Variants in ATG2B observed in about 807,000 individuals in gnomAD.
The protein encoded by ATG2B is autophagy-related protein 2 homolog B.
Under a neutral mutation model 241.3 loss-of-function variants are expected in ATG2B, and 121 were observed. The ratio of observed to expected loss-of-function variants is 0.50; its 90% CI spans 0.43 to 0.58. The LOEUF is 0.58. Ranked by LOEUF, ATG2B falls within the 20% of genes least tolerant of loss-of-function variation. The pLI is 0.00. For synonymous variants in ATG2B, 858 were observed against 876.6 expected, an observed-to-expected ratio of 0.98 and a Z score of 0.37; for missense variants, 2,306 against 2,491.6, an observed-to-expected ratio of 0.93 and a Z score of 1.59.
intron 17 of ATG2B, 73 bp from the exon 18 acceptor site, chr14:96,322,327 T>C (rs949200344): frequency 2.0e-6 from 3 of 1,500,194 alleles, no homozygotes; most frequent in African/African-American, 1.4e-5. Flanking sequence ...TCTTAGCCTA[T>C]CCATAGGACT....
intron 13 of ATG2B, 47 bp from the exon 14 acceptor site, chr14:96,328,582 T>A (rs1887647298): frequency 6.4e-7 from 1 of 1,557,850 alleles, no homozygotes; most frequent in Non-Finnish European, 8.7e-7. Flanking sequence ...CACTAAAAAC[T>A]ACTATATAAT....
chr14:96,316,676 T>C lies in ATG2B; in HGVS notation c.3218A>G (p.Asn1073Ser), dbSNP rs1887322141. Residue 1073 changes from asparagine (N) to serine (S), a missense_variant, in exon 21 of 42, where the codon AAT becomes AGT. By Grantham distance (46) the Asn-to-Ser change is conservative. This residue lies in a region of ATG2B where 1,927 missense variants were observed against 2,011.2 expected (regional missense o/e 0.96). Coordinates refer to ENST00000359933, the MANE Select transcript of ATG2B (RefSeq NM_018036.7). ...IAVFTDVKQD[N>S]GDLLENKHGE... ...ATGCTTGTTTTCCAACAGATCTCCATTATCTTGCTAGTAAAAAGATCAGAA... is the reference window on the plus strand; with the variant it reads ...ATGCTTGTTTTCCAACAGATCTCCACTATCTTGCTAGTAAAAAGATCAGAA... 6.2e-7 allele frequency: 1 copy of C among 1,603,382 alleles called. No individual in the cohort carries two copies. Among genetic ancestry groups the C allele is most frequent in the Non-Finnish European group, 8.5e-7 (1 of 1,176,672 alleles).
chr14:96,279,662 G>A lies in ATG2B; in HGVS notation c.*6093C>T, dbSNP rs12894714. The A allele has an allele frequency of 0.32, 49,338 of 152,204 alleles. 9,136 individuals are homozygous for A. Among genetic ancestry groups the A allele is most frequent in the Non-Finnish European group, 0.42 (28,551 of 68,018 alleles). The allele number at this position is 152,204 out of a possible 1,614,324, so 9.4% of individuals were successfully genotyped here. Reference sequence around the variant, plus strand: ...GTGGAGCCTCCGGGCTGAGACAGCAGGAGCAGCCAGAGATCCCGACAGAGC... The same window carrying A: ...GTGGAGCCTCCGGGCTGAGACAGCAAGAGCAGCCAGAGATCCCGACAGAGC... On this transcript the variant is annotated 3_prime_UTR_variant, in exon 42 of 42. Transcript: ENST00000359933.
At chr14:96,340,682 CAAG>C (rs1888009055) in intron 6 of ATG2B, among the ~76,000 whole-genome samples, 2 of 151,992 alleles carry the variant, frequency 1.3e-5, no homozygotes, top group African/African-American at 4.8e-5. Flanking sequence ...GGAGGCTGAG[CAAG>C]AAGGACTGCT....
chr14:96,342,147 T>C (rs1343514057), intron 5 of ATG2B, among the ~76,000 whole-genome samples: 3 of 152,114 alleles, frequency 2.0e-5, no homozygotes, highest in Admixed American at 6.5e-5. Flanking sequence ...ACAGTCACTA[T>C]GTAAGGTAAA....
intron 28 of ATG2B, 30 bp downstream of exon 28, chr14:96,311,087 G>C: frequency 6.3e-7 from 1 of 1,575,100 alleles, no homozygotes; most frequent in South Asian, 1.2e-5. Context: ...GACATGGCAG[G>C]GACTGGAGGA....
chr14:96,345,188 A>G, intron 3 of ATG2B, 45 bp downstream of exon 3: 1 of 1,539,130 alleles, frequency 6.5e-7, no homozygotes, highest in South Asian at 1.2e-5. Flanking sequence ...GTACAAAACT[A>G]CTAAATCAAA....
chr14:96,357,383 T>C lies in ATG2B; in HGVS notation c.162+5432A>G, dbSNP rs146702255. On this transcript the variant is annotated intron_variant, in intron 1 of 41. Transcript: ENST00000359933. ...TCCATCTCCTGCCACTGTTATTCAC[T>C]ATTGATACTCTGATAACTCCCATAT... 2.9e-3 allele frequency among the ~76,000 whole-genome samples: 444 copies of C among 152,344 alleles called. 4 individuals are homozygous for C. The highest frequency in any genetic ancestry group is 0.01 in the African/African-American group (424 of 41,578).
intron 16 of ATG2B, 66 bp downstream of exon 16, chr14:96,323,830 T>C: frequency 1.9e-6 from 2 of 1,035,370 alleles, no homozygotes; most frequent in South Asian, 2.8e-5. Flanking sequence ...GACAAAATGT[T>C]GGTTTAAAAG....
Position 96,283,838 on chromosome 14 carries a change from T to A in ATG2B, c.*1917A>T, listed in dbSNP as rs1886266358. 6.6e-6 allele frequency: 1 copy of A among 152,160 alleles called. No homozygotes were observed. Among genetic ancestry groups the A allele is most frequent in the South Asian group, 2.1e-4 (1 of 4,830 alleles). 9.4% of individuals were successfully genotyped at this position (152,160 alleles called of 1,614,324 possible). ...CGTTTCTGTTCCCAAAATGATTACA[T>A]CGACAACAGGTGCAGGAGGGTAGAA... is the stretch of plus-strand genomic sequence containing the variant. On this transcript the variant is annotated 3_prime_UTR_variant, in exon 42 of 42. Transcript: ENST00000359933.
intron 18 of ATG2B, among the ~76,000 whole-genome samples, chr14:96,321,500 T>C (rs999320174): frequency 6.6e-6 from 1 of 152,074 alleles, no homozygotes; most frequent in African/African-American, 2.4e-5. Flanking sequence ...AAACAACCCT[T>C]ATAGGTGGGA....
chr14:96,295,070 T>C lies in ATG2B; in HGVS notation c.5316A>G (p.Lys1772=). ...PNLVISFSGP[K]QPSQNDSANS... is the part of the protein sequence containing the mutation. ...TGGCACTATCATTTTGGGAAGGCTG[T>C]TTTGGCCCAGAGAAAGAAATAACCA... Residue 1772 remains lysine, a synonymous_variant, in exon 36 of 42, where the codon AAA becomes AAG. Coordinates refer to ENST00000359933, the MANE Select transcript of ATG2B (RefSeq NM_018036.7). 2 of 1,614,194 alleles carry C rather than the reference T, an allele frequency of 1.2e-6. No homozygotes were observed. The highest frequency in any genetic ancestry group is 1.7e-6 in the Non-Finnish European group (2 of 1,180,022).
chr14:96,301,167 C>A (rs191112547), intron 34 of ATG2B, among the ~76,000 whole-genome samples: 1 of 152,192 alleles, frequency 6.6e-6, no homozygotes, highest in Admixed American at 6.5e-5. Context: ...TGTCAGGCAC[C>A]CAGTTAATGT....
intron 41 of ATG2B, among the ~76,000 whole-genome samples, chr14:96,287,852 G>T (rs1442680985): frequency 6.6e-6 from 1 of 152,008 alleles, no homozygotes; most frequent in Non-Finnish European, 1.5e-5. Context: ...TAGCTCAAAG[G>T]CCCATACAAA....
In ATG2B at chr14:96,309,482, C is replaced by A; in HGVS notation, c.4274G>T (p.Gly1425Val). Residue 1425 changes from glycine (G) to valine (V), a missense_variant, in exon 29 of 42, where the codon GGC (glycine) becomes GTC (valine). Transcript: ENST00000359933. ...DAMEEIDMQQGTSSVKPQANG... is the reference protein window; with the variant it reads ...DAMEEIDMQQVTSSVKPQANG... ...AGCCTGTGGTTTTACTGACGAGGTGCCTTGTTGCATGTCGATCTCCTCCAT... is the reference window on the plus strand; with the variant it reads ...AGCCTGTGGTTTTACTGACGAGGTGACTTGTTGCATGTCGATCTCCTCCAT... The A allele has an allele frequency of 1.2e-6, 2 of 1,613,972 alleles. No homozygotes were observed. Among genetic ancestry groups the A allele is most frequent in the East Asian group, 4.5e-5 (2 of 44,880 alleles).
In ATG2B at chr14:96,341,563, T is replaced by A. The variant is rs769867965; in HGVS notation, c.883A>T (p.Ser295Cys). The A allele has an allele frequency of 6.2e-7, 1 of 1,603,338 alleles. No homozygotes were observed. Among genetic ancestry groups the A allele is most frequent in the Admixed American group, 1.7e-5 (1 of 59,186 alleles). Residue 295 changes from serine (S) to cysteine (C), a missense_variant, in exon 6 of 42, where the codon AGT (serine) becomes TGT (cysteine). Transcript: ENST00000359933. ...IGRLIGRLEL[S>C]LTLKQNEVLP... Reference sequence around the variant, plus strand: ...ACTTCATTCTGTTTCAACGTGAGACTCAACTCCAACCTACCAATTAACCGT... The same window carrying A: ...ACTTCATTCTGTTTCAACGTGAGACACAACTCCAACCTACCAATTAACCGT...
At chr14:96,343,993 C>T (rs1002256717) in intron 4 of ATG2B, among the ~76,000 whole-genome samples, 6 of 152,194 alleles carry the variant, frequency 3.9e-5, no homozygotes, top group African/African-American at 1.2e-4. Context: ...GCAGTGTACA[C>T]GCTTCATCCT....
chr14:96,318,796 C>A (rs1236951565), intron 18 of ATG2B, among the ~76,000 whole-genome samples: 1 of 152,190 alleles, frequency 6.6e-6, no homozygotes, highest in Non-Finnish European at 1.5e-5. Flanking sequence ...AACTTCACCA[C>A]GTCTTCTAGT....
At chr14:96,308,284 T>TGTATATATATATATA (rs1566720015) in intron 29 of ATG2B, among the ~76,000 whole-genome samples, 12 of 42,988 alleles carry the variant, frequency 2.8e-4, no homozygotes, top group Admixed American at 3.0e-4. Context: ...ATATATATAT[T>TGTATATATATATATA]TTTTTTTTTT....
Sources: allele counts gnomAD v4.1 joint callset (sites outside exome capture counted in the v4.1 genomes callset), GRCh38; gene constraint gnomAD v4.1.1; regional missense constraint gnomAD v4.1.1; transcripts MANE v1.5; gene names NCBI Gene and HGNC (gene_info 2026-07-23, HGNC 2026-07-21).